ECE1: variants seen among roughly 807,000 people sequenced by gnomAD.
ECE1 encodes the protein endothelin converting enzyme 1, also known as endothelin-converting enzyme 1.
In ECE1, 35 loss-of-function variants were observed where a neutral mutation model predicts 98.6. The ratio of observed to expected loss-of-function variants is 0.35; its 90% CI spans 0.27 to 0.47. The LOEUF (loss-of-function observed/expected upper bound fraction) is 0.47, where lower values mean the gene tolerates loss of function less well. ECE1 is among the 20% of genes least tolerant of loss of function. ECE1 has a pLI of 1.00. For missense variants in ECE1, 814 were observed against 1,025.3 expected, an observed-to-expected ratio of 0.79 and a Z score of 2.81; for synonymous variants, 394 against 407.1, an observed-to-expected ratio of 0.97 and a Z score of 0.39.
intron 1 of ECE1, among the ~76,000 whole-genome samples, chr1:21,332,413 C>T (rs150852698): frequency 6.6e-6 from 1 of 151,402 alleles, no homozygotes; most frequent in African/African-American, 2.4e-5. Context: ...AGAATCTCGT[C>T]GCTTATTTAA....
At position 21,290,062 on chromosome 1, in the gene ECE1, G is replaced by A; in HGVS notation, c.138+8C>T. ...CCTGGACCTCGGGAGGGAGCGGAGG[G>A]CGCCTACCTGCAGGCCGTTGGGGTA... On this transcript the variant is annotated splice_region_variant and intron_variant, in intron 2 of 18. Coordinates refer to ENST00000374893, the MANE Select transcript of ECE1 (RefSeq NM_001397.3). The surrounding 1 kb of genome is among the most constrained non-coding windows in gnomAD (Gnocchi z 7.3). 2.7e-6 allele frequency: 4 copies of A among 1,475,140 alleles called. No homozygotes were observed. The highest frequency in any genetic ancestry group is 2.7e-6 in the Non-Finnish European group (3 of 1,105,606). The allele number at this position is 1,475,140 out of a possible 1,614,324, so 91.4% of individuals were successfully genotyped here. A position where few individuals can be genotyped will look rare whatever the true frequency, so the allele number is the denominator to read the frequency against.
At position 21,233,624 on chromosome 1, in the gene ECE1, A is replaced by G; in HGVS notation, c.1604T>C (p.Met535Thr). Residue 535 changes from methionine (M) to threonine (T), a missense_variant, in exon 14 of 19, where the codon ATG becomes ACG. Physicochemically the swap from Met to Thr is moderately conservative, Grantham distance 81. Around this residue, in one of 3 missense-constraint regions of ECE1, gnomAD observed 452 missense variants for 567.3 expected, o/e 0.80. Coordinates refer to ENST00000374893, the MANE Select transcript of ECE1 (RefSeq NM_001397.3). The surrounding 1 kb of genome is among the most constrained non-coding windows in gnomAD (Gnocchi z 4.0). Reference protein sequence around the residue: ...AVPDLYFENAMRFFNFSWRVT... With the variant: ...AVPDLYFENATRFFNFSWRVT... ...CCTCCATGAGAAGTTGAAAAACCGC[A>G]TGGCATTTTCAAAGTAGAGGTCTGG... The G allele has an allele frequency of 6.2e-7, 1 of 1,613,962 alleles. No homozygotes were observed. Among genetic ancestry groups the G allele is most frequent in the Non-Finnish European group, 8.5e-7 (1 of 1,179,962 alleles).
At position 21,258,182 on chromosome 1, in the gene ECE1, C is replaced by T. The variant is rs2098222305; in HGVS notation, c.762+511G>A. The stretch of plus-strand genomic sequence containing the variant: ...ACTGTAGCTCTGAGAGGTTGAGGCA[C>T]TTGCCCAAGGTCACACAGTGACTGA... On this transcript the variant is annotated intron_variant, in intron 6 of 18. Transcript: ENST00000374893. This position sits in a 1 kb window ranked among gnomAD's most constrained non-coding sequence, Gnocchi z 4.2. Among the ~76,000 whole-genome samples the T allele has an allele frequency of 6.6e-6, 1 of 152,184 alleles. No homozygotes were observed. The highest frequency in any genetic ancestry group is 2.4e-5 in the African/African-American group (1 of 41,428).
rs548970796 is a variant in ECE1 at position 21,323,613 on chromosome 1, C to A, written c.3+21763G>T. Among the ~76,000 whole-genome samples, 13 of 149,366 alleles carry A rather than the reference C, an allele frequency of 8.7e-5. No individual in the cohort carries two copies. In the South Asian group the frequency reaches 2.7e-3, roughly 31 times the overall value. ...CACTCCAGCTTGGGTAACGGAGTGG[C>A]ACCCCGTCCCAAAAAACTAAAAATA... On this transcript the variant is annotated intron_variant, in intron 1 of 18. Transcript: ENST00000415912.
intron 10 of ECE1, among the ~76,000 whole-genome samples, chr1:21,240,346 G>T (rs1212828536): frequency 6.6e-6 from 1 of 152,006 alleles, no homozygotes. Flanking sequence ...AATTAGCCGG[G>T]TGTGGTGGTA....
intron 14 of ECE1, among the ~76,000 whole-genome samples, chr1:21,232,758 G>A (rs976760007): frequency 2.0e-5 from 3 of 149,762 alleles, no homozygotes; most frequent in African/African-American, 7.4e-5. Flanking sequence ...TGCAACCTCC[G>A]CCTCCCGGGT....
Position 21,233,730 on chromosome 1 carries a change from C to T in ECE1, c.1567-69G>A. 7.0e-7 allele frequency: 1 copy of T among 1,427,502 alleles called. No homozygotes were observed. Among genetic ancestry groups the T allele is most frequent in the East Asian group, 2.3e-5 (1 of 43,542 alleles). 88.4% of individuals were successfully genotyped at this position (1,427,502 alleles called of 1,614,324 possible). A position where few individuals can be genotyped will look rare whatever the true frequency, so the allele number is the denominator to read the frequency against. Reference sequence around the variant, plus strand: ...GTGTGCATCTTCCAAGACAGGAAGCCAAGGGCTGTCATGGTTAAGAGATTA... The same window carrying T: ...GTGTGCATCTTCCAAGACAGGAAGCTAAGGGCTGTCATGGTTAAGAGATTA... On this transcript the variant is annotated intron_variant, in intron 13 of 18. Transcript: ENST00000374893. The surrounding 1 kb of genome is among the most constrained non-coding windows in gnomAD (Gnocchi z 4.0).
intron 3 of ECE1, among the ~76,000 whole-genome samples, chr1:21,278,176 G>A (rs1428472102): frequency 6.6e-6 from 1 of 152,232 alleles, no homozygotes; most frequent in African/African-American, 2.4e-5. Context: ...CAGAAGAATA[G>A]ATGTTGGGGC....
chr1:21,335,938 C>T (rs1272697113), intron 1 of ECE1, among the ~76,000 whole-genome samples: 1 of 152,202 alleles, frequency 6.6e-6, no homozygotes, highest in Non-Finnish European at 1.5e-5. Context: ...GAGGCCCTTC[C>T]CTACCCTGCA....
chr1:21,275,068 C>T (rs1187688042), intron 3 of ECE1, among the ~76,000 whole-genome samples: 1 of 152,120 alleles, frequency 6.6e-6, no homozygotes, highest in Non-Finnish European at 1.5e-5. Flanking sequence ...AAAAGAATAC[C>T]TATTGTTTTC....
chr1:21,236,460 A>T (rs367775386), intron 12 of ECE1, among the ~76,000 whole-genome samples: 139 of 152,306 alleles, frequency 9.1e-4, no homozygotes, highest in Non-Finnish European at 1.7e-3. Flanking sequence ...GACCAACCTG[A>T]CCCACATGGA....
At position 21,319,865 on chromosome 1, in the gene ECE1, G is replaced by A. The variant is rs149234941; in HGVS notation, c.3+25511C>T. Among the ~76,000 whole-genome samples, 485 of 152,052 alleles carry A rather than the reference G, an allele frequency of 3.2e-3. 2 individuals are homozygous for A. Among genetic ancestry groups the A allele is most frequent in the Non-Finnish European group, 5.5e-3 (377 of 67,976 alleles). The stretch of plus-strand genomic sequence containing the variant: ...TAGTGCCAGCCCCCACACACCACTC[G>A]CCACCCAGGCTGTCTTGAGTCCACA... On this transcript the variant is annotated intron_variant, in intron 1 of 18. Coordinates refer to the ECE1 transcript ENST00000415912. The surrounding 1 kb of genome is among the most constrained non-coding windows in gnomAD (Gnocchi z 4.4).
rs907498914 is a variant in ECE1 at position 21,247,447 on chromosome 1, A to C, written c.1021-84T>G. 9 of 1,603,146 alleles carry C rather than the reference A, an allele frequency of 5.6e-6. No individual in the cohort carries two copies. The African/African-American group carries it at 1.1e-4, about 19-fold the overall frequency. ...TCTAGGACGGGCTTCTACAGGAAGC[A>C]AAGGAAAGAGCTTGGGCTTGGCGCC... On this transcript the variant is annotated intron_variant, in intron 8 of 18. Coordinates refer to ENST00000374893, the MANE Select transcript of ECE1 (RefSeq NM_001397.3).
At chr1:21,341,781 A>G (rs576557311) in intron 1 of ECE1, among the ~76,000 whole-genome samples, 14 of 151,320 alleles carry the variant, frequency 9.3e-5, no homozygotes, top group Admixed American at 2.0e-4. Context: ...TTAGTCTCCT[A>G]TCTTCAAACA....
At chr1:21,292,470 C>T (rs575688290), upstream of ECE1, among the ~76,000 whole-genome samples, 4 of 152,330 alleles carry the variant, frequency 2.6e-5, no homozygotes, top group East Asian at 1.9e-4. Flanking sequence ...CTCAAATGTC[C>T]CAGGAACCCT....
At position 21,271,351 on chromosome 1, in the gene ECE1, G is replaced by A. The variant is rs142697566; in HGVS notation, c.493+1348C>T. The stretch of plus-strand genomic sequence containing the variant: ...CTAAAAGACCCAGTTGCCTTAAATT[G>A]TTAATTGTCCATTTAGAATCATTTC... On this transcript the variant is annotated intron_variant, in intron 4 of 18. Transcript: ENST00000374893. 3.1e-3 allele frequency among the ~76,000 whole-genome samples: 477 copies of A among 152,316 alleles called. 3 individuals are homozygous for A. The highest frequency in any genetic ancestry group is 0.011 in the African/African-American group (461 of 41,552).
chr1:21,323,943 T>C (rs888397017), intron 1 of ECE1, among the ~76,000 whole-genome samples: 7 of 151,318 alleles, frequency 4.6e-5, no homozygotes. Flanking sequence ...CTCAGCCTCC[T>C]TGAGTAGCTG....
chr1:21,270,862 T>G (rs1409842803), intron 4 of ECE1, among the ~76,000 whole-genome samples: 1 of 152,144 alleles, frequency 6.6e-6, no homozygotes, highest in African/African-American at 2.4e-5. Context: ...CGAACCCAGG[T>G]CCTGGTGAGT....
At chr1:21,280,479 T>TGGAGA (rs1202891083) in intron 2 of ECE1, among the ~76,000 whole-genome samples, 1 of 151,446 alleles carries the variant, frequency 6.6e-6, no homozygotes, top group Non-Finnish European at 1.5e-5. Flanking sequence ...GGAATGGAAG[T>TGGAGA]GGAGAGGAGA....
Sources: allele counts gnomAD v4.1 joint callset (sites outside exome capture counted in the v4.1 genomes callset), GRCh38; gene constraint gnomAD v4.1.1; regional missense constraint gnomAD v4.1.1; non-coding constraint Gnocchi (gnomAD v3.1); transcripts MANE v1.5; gene names NCBI Gene and HGNC (gene_info 2026-07-23, HGNC 2026-07-21).